Variants in MEST observed in about 807,000 individuals in gnomAD.
The protein encoded by MEST is mesoderm-specific transcript homolog protein.
Under a neutral mutation model 50.9 loss-of-function variants are expected in MEST, and 18 were observed. The ratio of observed to expected loss-of-function variants is 0.35; its 90% CI spans 0.24 to 0.52. The LOEUF (loss-of-function observed/expected upper bound fraction) is 0.52. Among genes scored for constraint, MEST ranks in the 20% least tolerant of loss-of-function variants. The probability of loss-of-function intolerance (pLI) is 0.94; values close to 1 mark genes in which losing one functional copy is unlikely to be tolerated. For missense variants in MEST, 282 were observed against 425.3 expected, an observed-to-expected ratio of 0.66 and a Z score of 2.96; for synonymous variants, 130 against 154.1, an observed-to-expected ratio of 0.84 and a Z score of 1.16.
intron 9 of MEST, 73 bp from the exon 10 acceptor site, chr7:130,502,571 C>A: frequency 9.0e-7 from 1 of 1,113,108 alleles, no homozygotes; most frequent in Non-Finnish European, 1.4e-6. Flanking sequence ...TTCCTTGTGG[C>A]TCGTTATGCC....
Position 130,499,853 on chromosome 7 carries a change from CTAAGA to C in MEST, c.536-17_536-13del, listed in dbSNP as rs1799210972. On this transcript the variant is annotated splice_polypyrimidine_tract_variant and intron_variant, in intron 6 of 11. Coordinates refer to ENST00000223215, the MANE Select transcript of MEST (RefSeq NM_002402.4). ...AAAAATTAAAGCTGTAGGTAAATGA[CTAAGA>C]TAAGTCTCTTCTACAGGTATCTTTC... The C allele has an allele frequency of 6.3e-7, 1 of 1,588,606 alleles. No individual in the cohort carries two copies. The highest frequency in any genetic ancestry group is 1.4e-5 in the African/African-American group (1 of 73,334).
In MEST at chr7:130,500,949, T is replaced by C; in HGVS notation, c.749+59T>C. On this transcript the variant is annotated intron_variant, in intron 9 of 11. Coordinates refer to ENST00000223215, the MANE Select transcript of MEST (RefSeq NM_002402.4). The surrounding 1 kb of genome is among the most constrained non-coding windows in gnomAD (Gnocchi z 5.0). ...ACGTGTTTTTGTGGAGAGTGGGGAT[T>C]GCTTGTTCTGTTCCTTGCTGGCTTA... is the stretch of plus-strand genomic sequence containing the variant. The C allele has an allele frequency of 6.9e-7, 1 of 1,438,914 alleles. No individual in the cohort carries two copies. The highest frequency in any genetic ancestry group is 1.2e-5 in the South Asian group (1 of 81,310). 89.1% of individuals were successfully genotyped at this position (1,438,914 alleles called of 1,614,324 possible).
At chr7:130,501,028 G>C (rs73154723) in intron 9 of MEST, 138 bp downstream of exon 9, 9,181 of 606,708 alleles carry the variant, frequency 0.015, 126 homozygotes, top group Middle Eastern at 0.08. Context: ...AAAAAGTCAT[G>C]GTCTATATGA....
intron 11 of MEST, among the ~76,000 whole-genome samples, chr7:130,504,512 C>T (rs1799400728): frequency 6.6e-6 from 1 of 152,182 alleles, no homozygotes; most frequent in Non-Finnish European, 1.5e-5. Context: ...CTACTGGATA[C>T]AAGCTAGTAG....
At chr7:130,499,800 C>CAGTG in intron 6 of MEST, 75 bp from the exon 7 acceptor site, 3 of 1,235,794 alleles carry the variant, frequency 2.4e-6, no homozygotes, top group Non-Finnish European at 3.4e-6. Flanking sequence ...CTGGGCAACC[C>CAGTG]AGTGAGATCC....
upstream of MEST, chr7:130,490,750 A>AC (rs2116215422): frequency 6.6e-6 from 1 of 151,910 alleles, no homozygotes; most frequent in East Asian, 1.9e-4. Flanking sequence ...TTTATTTCGC[A>AC]CCCCCGGTTC....
rs1799314840 is a variant in MEST, at chr7:130,502,583, T to C, written c.750-61T>C. On this transcript the variant is annotated intron_variant, in intron 9 of 11. Transcript: ENST00000223215. The stretch of plus-strand genomic sequence containing the variant: ...GTGTTCCTTGTGGCTCGTTATGCCC[T>C]TGAATCCCTGTAACAGTAAAGGTTT... 3.8e-6 allele frequency: 5 copies of C among 1,312,076 alleles called. No individual in the cohort carries two copies. The African/African-American group carries it at 5.8e-5, about 15-fold the overall frequency. 81.3% of individuals were successfully genotyped at this position (1,312,076 alleles called of 1,614,324 possible).
Position 130,500,159 on chromosome 7 carries a change from TG to T in MEST, c.576+246del, listed in dbSNP as rs1370111813. ...CAAATATTTGGAGAAATTACAGCTA[TG>T]GAAAGATCTGTGTCACAAGCTTGAT... On this transcript the variant is annotated intron_variant, in intron 7 of 11. Transcript: ENST00000223215. The surrounding 1 kb of genome is among the most constrained non-coding windows in gnomAD (Gnocchi z 5.0). The T allele has an allele frequency of 1.8e-6, 1 of 553,288 alleles. No individual in the cohort carries two copies. The highest frequency in any genetic ancestry group is 1.9e-5 in the African/African-American group (1 of 52,832). The allele number at this position is 553,288 out of a possible 1,614,324, so 34.3% of individuals were successfully genotyped here.
At position 130,492,195 on chromosome 7, in the gene MEST, C is replaced by T. The variant is rs1554435488; in HGVS notation, c.-119C>T. 2 of 856,418 alleles carry T rather than the reference C, an allele frequency of 2.3e-6. No individual in the cohort carries two copies. The highest frequency in any genetic ancestry group is 3.0e-6 in the Non-Finnish European group (2 of 659,908). 53.1% of individuals were successfully genotyped at this position (856,418 alleles called of 1,614,324 possible). ...TGTAGCTGCCCGGCGCGGCGCCGCC[C>T]TGCGCGGGCTGTGGGCTGCGGGCTG... On this transcript the variant is annotated 5_prime_UTR_variant, in exon 1 of 12. Coordinates refer to ENST00000223215, the MANE Select transcript of MEST (RefSeq NM_002402.4). This position sits in a 1 kb window ranked among gnomAD's most constrained non-coding sequence, Gnocchi z 7.6.
At chr7:130,499,704 T>C (rs1799203315) in intron 6 of MEST, among the ~76,000 whole-genome samples, 171 bp from the exon 7 acceptor site, 1 of 151,970 alleles carries the variant, frequency 6.6e-6, no homozygotes, top group African/African-American at 2.4e-5. Flanking sequence ...GACCTAAATG[T>C]AGGTAGGCTG....
In MEST at chr7:130,497,773, T is replaced by G; in HGVS notation, c.262-163T>G. 1 of 671,294 alleles carries G rather than the reference T, an allele frequency of 1.5e-6. No homozygotes were observed. Among genetic ancestry groups the G allele is most frequent in the Non-Finnish European group, 2.7e-6 (1 of 376,748 alleles). The allele number at this position is 671,294 out of a possible 1,614,324, so 41.6% of individuals were successfully genotyped here. ...GGGATTAATTACCAGGAATAAAGCA[T>G]TTTCCAAGAGGATCATCTGTGGGAC... On this transcript the variant is annotated intron_variant, in intron 3 of 11. Coordinates refer to ENST00000223215, the MANE Select transcript of MEST (RefSeq NM_002402.4). This position sits in a 1 kb window ranked among gnomAD's most constrained non-coding sequence, Gnocchi z 4.0.
rs782407882 is a variant in MEST at position 130,498,018 on chromosome 7, G to A, written c.339+5G>A. On this transcript the variant is annotated splice_donor_5th_base_variant and intron_variant, in intron 4 of 11. Coordinates refer to ENST00000223215, the MANE Select transcript of MEST (RefSeq NM_002402.4). ...TTTGGCTTCAGTGACAAACCGGTAA[G>A]CAGCACCTATGTGGGGCTGGTGATG... is the stretch of plus-strand genomic sequence containing the variant. 7 of 1,614,106 alleles carry A rather than the reference G, an allele frequency of 4.3e-6. No homozygotes were observed. The African/African-American group carries it at 9.3e-5, about 22-fold the overall frequency.
intron 2 of MEST, chr7:130,496,139 C>T (rs371790774): frequency 1.9e-5 from 9 of 468,084 alleles, no homozygotes; most frequent in African/African-American, 1.4e-4. Flanking sequence ...AGAGCAATAA[C>T]GAAAAATGTT....
chr7:130,501,835 C>T (rs1554438566), intron 9 of MEST, among the ~76,000 whole-genome samples: 3 of 151,952 alleles, frequency 2.0e-5, no homozygotes, highest in African/African-American at 7.3e-5. Context: ...GATGAAACCC[C>T]GTGTCTACTA....
chr7:130,499,785 A>C, intron 6 of MEST, 90 bp from the exon 7 acceptor site: 1 of 1,061,880 alleles, frequency 9.4e-7, no homozygotes, highest in Non-Finnish European at 1.4e-6. Context: ...TGAGCTCGAG[A>C]CCAGCTGGGC....
At chr7:130,489,812 TC>T (rs1554434677), upstream of MEST, 1 of 152,248 alleles carries the variant, frequency 6.6e-6, no homozygotes, top group Non-Finnish European at 1.5e-5. Context: ...TGGCGCTCCC[TC>T]CTTCCCCCAG....
chr7:130,490,755 C>G (rs893896586), upstream of MEST: 1 of 152,228 alleles, frequency 6.6e-6, no homozygotes, highest in Admixed American at 6.5e-5. Flanking sequence ...TTCGCACCCC[C>G]GGTTCTTAGT....
chr7:130,496,042 C>T (rs1054146760), intron 2 of MEST: 24 of 463,958 alleles, frequency 5.2e-5, no homozygotes, highest in Middle Eastern at 6.6e-4. Flanking sequence ...TTTACAACAG[C>T]ATTTGGAGAT....
At chr7:130,488,088 A>G (rs782602542), upstream of MEST, 1 of 152,082 alleles carries the variant, frequency 6.6e-6, no homozygotes, top group African/African-American at 2.4e-5. Context: ...CTGAGCTGTG[A>G]ATTTGTCCCC....
Sources: gnomAD v4.1 joint callset for allele counts (sites outside exome capture counted in the v4.1 genomes callset) on GRCh38, gnomAD v4.1.1 for gene constraint, Gnocchi (gnomAD v3.1) non-coding constraint, MANE v1.5 for transcripts, NCBI Gene and HGNC (gene_info 2026-07-23, HGNC 2026-07-21) for gene names.